Variants in MAP2K5 observed in about 807,000 individuals in gnomAD.
The protein encoded by MAP2K5 is dual specificity mitogen-activated protein kinase kinase 5.
MAP2K5 carries 49 observed loss-of-function variants against 83.1 expected under a neutral mutation model. The ratio of observed to expected loss-of-function variants is 0.59; its 90% confidence interval spans 0.47 to 0.75. The LOEUF (loss-of-function observed/expected upper bound fraction) is 0.75, where lower values mean the gene tolerates loss of function less well. MAP2K5 is among the 30% of genes least tolerant of loss of function. The probability of loss-of-function intolerance (pLI) is 0.00; values close to 1 mark genes in which losing one functional copy is unlikely to be tolerated. For missense variants in MAP2K5, 457 were observed against 557.5 expected, an observed-to-expected ratio of 0.82 and a Z score of 1.82; for synonymous variants, 202 against 191.8, an observed-to-expected ratio of 1.05 and a Z score of -0.44.
intron 16 of MAP2K5, among the ~76,000 whole-genome samples, chr15:67,706,957 C>T (rs186021755): frequency 2.0e-5 from 3 of 152,290 alleles, no homozygotes; most frequent in East Asian, 3.9e-4. Flanking sequence ...GCTCTGTCGC[C>T]CAGGCTGCAG....
At chr15:67,620,377 G>A (rs2141064458) in intron 8 of MAP2K5, among the ~76,000 whole-genome samples, 1 of 152,130 alleles carries the variant, frequency 6.6e-6, no homozygotes, top group Admixed American at 6.5e-5. Flanking sequence ...TCTCAGAACA[G>A]AAACAAAAAC....
Position 67,563,252 on chromosome 15 carries a change from C to T in MAP2K5, c.185-31C>T. 3 of 1,601,906 alleles carry T rather than the reference C, an allele frequency of 1.9e-6. No individual in the cohort carries two copies. The highest frequency in any genetic ancestry group is 2.6e-6 in the Non-Finnish European group (3 of 1,176,196). Reference sequence around the variant, plus strand: ...CTTTGTGCATTAAACAAATGCACACCTTATCATTTGCATTATGTGCTTTTA... The same window carrying T: ...CTTTGTGCATTAAACAAATGCACACTTTATCATTTGCATTATGTGCTTTTA... On this transcript the variant is annotated intron_variant, in intron 2 of 21. Transcript: ENST00000178640. The surrounding 1 kb of genome is among the most constrained non-coding windows in gnomAD (Gnocchi z 4.5).
intron 17 of MAP2K5, among the ~76,000 whole-genome samples, chr15:67,741,565 T>C (rs1441802110): frequency 6.6e-6 from 1 of 152,110 alleles, no homozygotes; most frequent in African/African-American, 2.4e-5. Context: ...GGGATTTAGA[T>C]GTTGCTGACT....
At chr15:67,597,903 T>A (rs926476187) in intron 7 of MAP2K5, among the ~76,000 whole-genome samples, 7 of 152,170 alleles carry the variant, frequency 4.6e-5, no homozygotes, top group Admixed American at 3.3e-4. Context: ...TGATATTTTT[T>A]AATATTAAAA....
chr15:67,626,247 T>C (rs4776953), intron 8 of MAP2K5, among the ~76,000 whole-genome samples: 150,138 of 152,348 alleles, frequency 0.99, 74,028 homozygotes, highest in Middle Eastern at 1. Context: ...AGGCCAAGTG[T>C]GGTGGCTCAC....
chr15:67,548,736 A>G (rs972625519), intron 1 of MAP2K5, among the ~76,000 whole-genome samples: 2 of 152,202 alleles, frequency 1.3e-5, no homozygotes, highest in Admixed American at 6.5e-5. Context: ...CTTTCTAACT[A>G]TGAGAGTGTA....
In MAP2K5 at chr15:67,580,102, A is replaced by G. The variant is rs571452003; in HGVS notation, c.253-652A>G. 2.6e-5 allele frequency among the ~76,000 whole-genome samples: 4 copies of G among 152,316 alleles called. No homozygotes were observed. In the South Asian group the frequency reaches 8.3e-4, roughly 32 times the overall value. On this transcript the variant is annotated intron_variant, in intron 3 of 21. Coordinates refer to ENST00000178640, the MANE Select transcript of MAP2K5 (RefSeq NM_145160.3). Reference sequence around the variant, plus strand: ...ACCTACTGAATAATTTGTGTTTACTAAGGAGTGTGAAAGCTTTTTCACTTA... The same window carrying G: ...ACCTACTGAATAATTTGTGTTTACTGAGGAGTGTGAAAGCTTTTTCACTTA...
intron 9 of MAP2K5, chr15:67,642,382 C>T: frequency 6.4e-7 from 1 of 1,569,736 alleles, no homozygotes; most frequent in South Asian, 1.2e-5. Flanking sequence ...TTGAGAGGCG[C>T]ATAGCCACTC....
In MAP2K5 at chr15:67,646,376, T is replaced by C. The variant is rs1311743872; in HGVS notation, c.655-12T>C. On this transcript the variant is annotated splice_polypyrimidine_tract_variant and intron_variant, in intron 10 of 21. Coordinates refer to ENST00000178640, the MANE Select transcript of MAP2K5 (RefSeq NM_145160.3). Reference sequence around the variant, plus strand: ...CAGGTTTATAACTACTTTTGTCTTATTTTTGTTACAGTGCGATTCATCATA... The same window carrying C: ...CAGGTTTATAACTACTTTTGTCTTACTTTTGTTACAGTGCGATTCATCATA... The C allele has an allele frequency of 6.4e-7, 1 of 1,556,348 alleles. No homozygotes were observed. Among genetic ancestry groups the C allele is most frequent in the Middle Eastern group, 1.7e-4 (1 of 5,914 alleles).
In MAP2K5 at chr15:67,581,754, A is replaced by G. The variant is rs180680972; in HGVS notation, c.322+931A>G. 1.5e-4 allele frequency among the ~76,000 whole-genome samples: 23 copies of G among 152,322 alleles called. No individual in the cohort carries two copies. In the East Asian group the frequency reaches 2.7e-3, roughly 18 times the overall value. ...TGGCTCAATTAACCAGTAGGCTCCTATTTGCACTGATAAAGTCTCCAAAGG... is the reference window on the plus strand; with the variant it reads ...TGGCTCAATTAACCAGTAGGCTCCTGTTTGCACTGATAAAGTCTCCAAAGG... On this transcript the variant is annotated intron_variant, in intron 4 of 21. Coordinates refer to ENST00000178640, the MANE Select transcript of MAP2K5 (RefSeq NM_145160.3).
chr15:67,585,867 A>C, intron 4 of MAP2K5, 23 bp from the exon 5 acceptor site: 1 of 1,611,500 alleles, frequency 6.2e-7, no homozygotes, highest in Non-Finnish European at 8.5e-7. Context: ...TGTGTTCTAC[A>C]ATTTAGTCAA....
chr15:67,632,360 G>A (rs1252467564), intron 9 of MAP2K5, among the ~76,000 whole-genome samples: 1 of 152,084 alleles, frequency 6.6e-6, no homozygotes, highest in Non-Finnish European at 1.5e-5. Flanking sequence ...TCAGCCACCC[G>A]AAGTCCTGGG....
At chr15:67,733,826 C>G (rs922360727) in intron 17 of MAP2K5, among the ~76,000 whole-genome samples, 1 of 152,154 alleles carries the variant, frequency 6.6e-6, no homozygotes, top group African/African-American at 2.4e-5. Context: ...CTGGCACCTT[C>G]CATAGATAGT....
intron 4 of MAP2K5, among the ~76,000 whole-genome samples, chr15:67,584,939 G>A (rs2085257229): frequency 6.6e-6 from 1 of 151,602 alleles, no homozygotes; most frequent in South Asian, 2.1e-4. Context: ...CTCATGATCA[G>A]CCCACCTCAG....
At position 67,793,807 on chromosome 15, in the gene MAP2K5, T is replaced by A. The variant is rs2090558195; in HGVS notation, c.1243-12839T>A. On this transcript the variant is annotated intron_variant, in intron 21 of 21. Coordinates refer to ENST00000178640, the MANE Select transcript of MAP2K5 (RefSeq NM_145160.3). This position sits in a 1 kb window ranked among gnomAD's most constrained non-coding sequence, Gnocchi z 4.6. ...TTGAAGCAATATGATTATTTTGATC[T>A]TGAATCAGTAATTAAGGTGGACTTC... 6.6e-6 allele frequency among the ~76,000 whole-genome samples: 1 copy of A among 152,224 alleles called. No individual in the cohort carries two copies. The highest frequency in any genetic ancestry group is 2.1e-4 in the South Asian group (1 of 4,834).
In MAP2K5 at chr15:67,687,110, T is replaced by C. The variant is rs181553067; in HGVS notation, c.848-5369T>C. On this transcript the variant is annotated intron_variant, in intron 13 of 21. Transcript: ENST00000178640. ...TTCAAAATGGCTGCAGTAAAATTGA[T>C]TTTTTTAATGAGATTTATTTCAAAA... Among the ~76,000 whole-genome samples the C allele has an allele frequency of 2.2e-3, 338 of 152,034 alleles. 2 individuals carry two copies. The highest frequency in any genetic ancestry group is 5.4e-3 in the South Asian group (26 of 4,826).
In MAP2K5 at chr15:67,552,648, G is replaced by T. The variant is rs1391753780; in HGVS notation, c.184+2566G>T. On this transcript the variant is annotated intron_variant, in intron 2 of 21. Transcript: ENST00000178640. This position sits in a 1 kb window ranked among gnomAD's most constrained non-coding sequence, Gnocchi z 4.2. Reference sequence around the variant, plus strand: ...AACGGGGTCTTGCTGTGTTGCTCAGGCTGGTCTTGAACTCCTGGCCTCAAG... The same window carrying T: ...AACGGGGTCTTGCTGTGTTGCTCAGTCTGGTCTTGAACTCCTGGCCTCAAG... Among the ~76,000 whole-genome samples, 1 of 152,050 alleles carries T rather than the reference G, an allele frequency of 6.6e-6. No homozygotes were observed. The highest frequency in any genetic ancestry group is 1.5e-5 in the Non-Finnish European group (1 of 68,006).
Position 67,775,405 on chromosome 15 carries a change from C to T in MAP2K5, c.1242+2653C>T, listed in dbSNP as rs548574684. 5.3e-5 allele frequency among the ~76,000 whole-genome samples: 8 copies of T among 152,336 alleles called. No individual in the cohort carries two copies. The highest frequency in any genetic ancestry group is 1.9e-4 in the African/African-American group (8 of 41,564). ...TTGGGGAGGCCAGGATACGTTTCAG[C>T]TGCTGTGGTTTTCTGGCATGTAGCC... On this transcript the variant is annotated intron_variant, in intron 21 of 21. Coordinates refer to ENST00000178640, the MANE Select transcript of MAP2K5 (RefSeq NM_145160.3). The surrounding 1 kb of genome is among the most constrained non-coding windows in gnomAD (Gnocchi z 5.3).
In MAP2K5 at chr15:67,748,708, A is replaced by G. The variant is rs1371370289; in HGVS notation, c.1134+107A>G. 1 of 1,056,406 alleles carries G rather than the reference A, an allele frequency of 9.5e-7. No homozygotes were observed. Among genetic ancestry groups the G allele is most frequent in the Non-Finnish European group, 1.4e-6 (1 of 693,230 alleles). 65.4% of individuals were successfully genotyped at this position (1,056,406 alleles called of 1,614,324 possible). On this transcript the variant is annotated intron_variant, in intron 19 of 21. Coordinates refer to ENST00000178640, the MANE Select transcript of MAP2K5 (RefSeq NM_145160.3). This position sits in a 1 kb window ranked among gnomAD's most constrained non-coding sequence, Gnocchi z 4.0. ...CACAATGCCCAACATCCTTGGAGCA[A>G]GTTGTGTTGTATGGCTCTGAGCTAT... is the stretch of plus-strand genomic sequence containing the variant.
Sources: gnomAD v4.1 joint callset for allele counts (sites outside exome capture counted in the v4.1 genomes callset) on GRCh38, gnomAD v4.1.1 for gene constraint, Gnocchi (gnomAD v3.1) non-coding constraint, MANE v1.5 for transcripts, NCBI Gene and HGNC (gene_info 2026-07-23, HGNC 2026-07-21) for gene names.